Variants in DSCAM observed in about 807,000 individuals in gnomAD.
DSCAM encodes DS cell adhesion molecule, also known as cell adhesion molecule DSCAM.
DSCAM carries 47 observed loss-of-function variants against 217.7 expected under a neutral mutation model. The ratio of observed to expected loss-of-function variants is 0.22; its 90% CI spans 0.17 to 0.28. The LOEUF (loss-of-function observed/expected upper bound fraction) is 0.28, where lower values mean the gene tolerates loss of function less well. Ranked by LOEUF, DSCAM falls within the 10% of genes least tolerant of loss-of-function variation. DSCAM has a pLI of 1.00. For missense variants in DSCAM, 2,080 were observed against 2,618.3 expected (o/e 0.79, Z 4.49); for synonymous variants, 1,056 against 1,015.3 (o/e 1.04, Z -0.76).
chr21:40,840,245 A>C (rs1290423208), intron 1 of DSCAM, among the ~76,000 whole-genome samples: 1 of 152,260 alleles, frequency 6.6e-6, no homozygotes, highest in Admixed American at 6.5e-5. Context: ...CAAAAAACCC[A>C]TAAATCCATA....
chr21:40,518,169 T>C (rs970357229), intron 3 of DSCAM, among the ~76,000 whole-genome samples: 21 of 147,926 alleles, frequency 1.4e-4, no homozygotes, highest in Non-Finnish European at 5.9e-5. Flanking sequence ...GATATTCCAA[T>C]TCAATAGGAA....
intron 3 of DSCAM, among the ~76,000 whole-genome samples, chr21:40,512,398 G>A (rs2076266555): frequency 1.3e-5 from 2 of 152,072 alleles, no homozygotes; most frequent in African/African-American, 4.8e-5. Flanking sequence ...ATTACTTCAC[G>A]TCATTGGAAA....
At chr21:40,122,698 T>C (rs970827615) in intron 20 of DSCAM, among the ~76,000 whole-genome samples, 1 of 152,202 alleles carries the variant, frequency 6.6e-6, no homozygotes, top group Non-Finnish European at 1.5e-5. Context: ...CAGAAAAATG[T>C]TGTGGAGTCT....
chr21:40,643,735 A>T (rs1024961968), intron 3 of DSCAM, among the ~76,000 whole-genome samples: 1 of 152,204 alleles, frequency 6.6e-6, no homozygotes, highest in Non-Finnish European at 1.5e-5. Context: ...TGTCCTCATA[A>T]GAAGGTTGGC....
chr21:40,722,449 G>C (rs2090911728), intron 1 of DSCAM, among the ~76,000 whole-genome samples: 1 of 152,110 alleles, frequency 6.6e-6, no homozygotes, highest in Admixed American at 6.5e-5. Context: ...GGTATTATTT[G>C]AAAGTAAGCC....
At chr21:40,028,884 T>A (rs2088458519) in intron 32 of DSCAM, among the ~76,000 whole-genome samples, 1 of 152,118 alleles carries the variant, frequency 6.6e-6, no homozygotes. Context: ...CAAAAAGACA[T>A]CTCTTCAACA....
intron 10 of DSCAM, among the ~76,000 whole-genome samples, chr21:40,292,186 T>TAA (rs1491579786): frequency 4.5e-4 from 6 of 13,286 alleles, no homozygotes; most frequent in African/African-American, 1.5e-3. Context: ...ATGTAATGAC[T>TAA]TTTTTTTTTT....
chr21:40,278,421 T>C (rs1035236587), intron 10 of DSCAM, among the ~76,000 whole-genome samples: 6 of 151,988 alleles, frequency 3.9e-5, no homozygotes, highest in African/African-American at 1.4e-4. Context: ...AGAAACAAAA[T>C]AGCATGATTG....
intron 3 of DSCAM, among the ~76,000 whole-genome samples, chr21:40,494,131 GAAAC>G (rs2076098686): frequency 6.6e-6 from 1 of 151,912 alleles, no homozygotes; most frequent in African/African-American, 2.4e-5. Context: ...GAGGAAGAAA[GAAAC>G]AAAGGATCTA....
intron 1 of DSCAM, among the ~76,000 whole-genome samples, chr21:40,712,520 T>C (rs971742290): frequency 3.5e-5 from 5 of 144,554 alleles, no homozygotes; most frequent in African/African-American, 1.3e-4. Flanking sequence ...ATCTATTATA[T>C]AAACATTTTG....
At chr21:40,088,590 C>T (rs1288763454) in intron 21 of DSCAM, among the ~76,000 whole-genome samples, 3 of 152,166 alleles carry the variant, frequency 2.0e-5, no homozygotes, top group East Asian at 1.9e-4. Flanking sequence ...AAGCAATTTC[C>T]CTGGACTGAG....
intron 32 of DSCAM, among the ~76,000 whole-genome samples, chr21:40,015,019 G>T (rs548367474): frequency 6.6e-6 from 1 of 152,130 alleles, no homozygotes; most frequent in African/African-American, 2.4e-5. Flanking sequence ...CACTTTCCTT[G>T]ACTGGATCCT....
chr21:40,414,542 A>G (rs1326733059), intron 3 of DSCAM, among the ~76,000 whole-genome samples: 3 of 152,240 alleles, frequency 2.0e-5, no homozygotes, highest in African/African-American at 7.2e-5. Flanking sequence ...TGAATAATTT[A>G]CACTTTTTCC....
intron 27 of DSCAM, among the ~76,000 whole-genome samples, chr21:40,067,482 A>C (rs971012084): frequency 1.3e-5 from 2 of 152,194 alleles, no homozygotes; most frequent in African/African-American, 4.8e-5. Context: ...TAAGTGGTGG[A>C]GATCTTTCCT....
chr21:40,079,120 C>A lies in DSCAM; in HGVS notation c.4421-143G>T, dbSNP rs75833249. On this transcript the variant is annotated intron_variant, in intron 25 of 32. Coordinates refer to ENST00000400454, the MANE Select transcript of DSCAM (RefSeq NM_001389.5). Reference sequence around the variant, plus strand: ...GGCTCACAGGCCACTGGCAACTTGTCCCCTGTTAATAGAGACTTTATGGAC... The same window carrying A: ...GGCTCACAGGCCACTGGCAACTTGTACCCTGTTAATAGAGACTTTATGGAC... 7 of 868,578 alleles carry A rather than the reference C, an allele frequency of 8.1e-6. No individual in the cohort carries two copies. In the African/African-American group the frequency reaches 1.0e-4, roughly 13 times the overall value. The allele number at this position is 868,578 out of a possible 1,614,324, so 53.8% of individuals were successfully genotyped here.
At chr21:40,796,179 A>G (rs1047771676) in intron 1 of DSCAM, among the ~76,000 whole-genome samples, 4 of 152,212 alleles carry the variant, frequency 2.6e-5, no homozygotes, top group African/African-American at 7.2e-5. Context: ...CGCTGTGTGC[A>G]GAAGGAGTCT....
At chr21:40,214,046 C>T (rs541619357) in intron 11 of DSCAM, among the ~76,000 whole-genome samples, 13 of 152,276 alleles carry the variant, frequency 8.5e-5, no homozygotes, top group South Asian at 2.1e-4. Flanking sequence ...CCTAGACAGA[C>T]GGAAACCCAG....
At chr21:40,101,779 G>T (rs995911721) in intron 20 of DSCAM, among the ~76,000 whole-genome samples, 15 of 151,900 alleles carry the variant, frequency 9.9e-5, no homozygotes, top group African/African-American at 3.6e-4. Context: ...TTTACTGTGG[G>T]AGGTGGTGGG....
At chr21:40,320,487 C>T (rs2074247477) in intron 8 of DSCAM, among the ~76,000 whole-genome samples, 1 of 151,968 alleles carries the variant, frequency 6.6e-6, no homozygotes, top group Non-Finnish European at 1.5e-5. Flanking sequence ...ATTAAATGGG[C>T]CAGTAATATA....
Sources: allele counts gnomAD v4.1 joint callset (sites outside exome capture counted in the v4.1 genomes callset), GRCh38; gene constraint gnomAD v4.1.1; transcripts MANE v1.5; gene names NCBI Gene and HGNC (gene_info 2026-07-23, HGNC 2026-07-21).